The following KIFC3 variants were observed in gnomAD, a reference collection of about 807,000 sequenced individuals.
KIFC3 encodes the protein kinesin-like protein KIFC3.
A neutral mutation model predicts 101.8 loss-of-function variants in KIFC3; 60 were observed. The ratio of observed to expected loss-of-function variants is 0.59; its 90% CI spans 0.48 to 0.73. The LOEUF is 0.73. Ranked by LOEUF, KIFC3 falls within the 30% of genes least tolerant of loss-of-function variation. The pLI is 0.00. For missense variants in KIFC3, 966 were observed against 1,137.1 expected, an observed-to-expected ratio of 0.85 and a Z score of 2.16; for synonymous variants, 476 against 482.7, an observed-to-expected ratio of 0.99 and a Z score of 0.18.
intron 1 of KIFC3, among the ~76,000 whole-genome samples, chr16:57,818,487 C>T (rs916188665): frequency 6.6e-6 from 1 of 152,208 alleles, no homozygotes; most frequent in African/African-American, 2.4e-5. Flanking sequence ...ACCTCAGCCT[C>T]TCCAATAGCG....
intron 7 of KIFC3, 98 bp downstream of exon 7, chr16:57,770,429 C>T (rs2051012288): frequency 2.4e-5 from 27 of 1,132,996 alleles, no homozygotes; most frequent in Non-Finnish European, 3.0e-5. Flanking sequence ...GACTGGACCC[C>T]GTGTCTGTGG....
In KIFC3 at chr16:57,758,427, C is replaced by A; in HGVS notation, c.*507G>T. On this transcript the variant is annotated 3_prime_UTR_variant, in exon 20 of 20. Transcript: ENST00000445690. Reference sequence around the variant, plus strand: ...AGGCCATGCGCCTCCGCACACCCCCCAGCTGCGGGAACCCTCCTTGAAGGA... The same window carrying A: ...AGGCCATGCGCCTCCGCACACCCCCAAGCTGCGGGAACCCTCCTTGAAGGA... 14 of 370,192 alleles carry A rather than the reference C, an allele frequency of 3.8e-5. No individual in the cohort carries two copies. The highest frequency in any genetic ancestry group is 2.7e-4 in the South Asian group (13 of 48,414). 22.9% of individuals were successfully genotyped at this position (370,192 alleles called of 1,614,324 possible).
intron 9 of KIFC3, among the ~76,000 whole-genome samples, chr16:57,768,028 G>T (rs2050683768): frequency 6.6e-6 from 1 of 151,910 alleles, no homozygotes; most frequent in Non-Finnish European, 1.5e-5. Flanking sequence ...CTAATACAAT[G>T]AAAATGCTGG....
intron 1 of KIFC3, among the ~76,000 whole-genome samples, chr16:57,820,555 G>A (rs1475652227): frequency 6.6e-6 from 1 of 152,186 alleles, no homozygotes; most frequent in African/African-American, 2.4e-5. Context: ...CTGGCATTAT[G>A]GGTGTGAACC....
intron 2 of KIFC3, among the ~76,000 whole-genome samples, chr16:57,796,412 G>T (rs1299615912): frequency 2.0e-5 from 3 of 152,208 alleles, no homozygotes; most frequent in Non-Finnish European, 4.4e-5. Context: ...GACAGGCAAA[G>T]AACCGGAAGC....
chr16:57,772,903 G>T lies in KIFC3; in HGVS notation c.316-615C>A, dbSNP rs2051460111. ...CCAAGGCTCTTATAGGGGGAAGGGG[G>T]TGTGCACCCCATGAGGAAGCCACGG... On this transcript the variant is annotated intron_variant, in intron 3 of 19. Transcript: ENST00000445690. Among the ~76,000 whole-genome samples, 2 of 152,182 alleles carry T rather than the reference G, an allele frequency of 1.3e-5. 1 individual carries two copies. The highest frequency in any genetic ancestry group is 1.3e-4 in the Admixed American group (2 of 15,284).
intron 1 of KIFC3, among the ~76,000 whole-genome samples, chr16:57,833,419 G>T (rs2055623082): frequency 6.6e-6 from 1 of 152,096 alleles, no homozygotes; most frequent in South Asian, 2.1e-4. Context: ...TTCAGATGTG[G>T]ATCTCAGCAC....
Position 57,815,552 on chromosome 16 carries a change from C to A in KIFC3, c.109-17270G>T, listed in dbSNP as rs148369725. The A allele has an allele frequency of 7.0e-4, 896 of 1,289,072 alleles. 10 individuals carry two copies. The African/African-American group carries it at 0.011, about 15-fold the overall frequency. The allele number at this position is 1,289,072 out of a possible 1,614,324, so 79.9% of individuals were successfully genotyped here. A position where few individuals can be genotyped will look rare whatever the true frequency, so the allele number is the denominator to read the frequency against. On this transcript the variant is annotated intron_variant, in intron 1 of 2. Transcript: ENST00000563028. ...TCTTCTACCAGGATGCCCTCCAAGA[C>A]CAACACTGATGCCTTAGTCACCCTC...
At chr16:57,840,603 A>C (rs1392934079) in intron 1 of KIFC3, among the ~76,000 whole-genome samples, 1 of 151,910 alleles carries the variant, frequency 6.6e-6, no homozygotes, top group Non-Finnish European at 1.5e-5. Context: ...TCTACTAAAA[A>C]TACAAAATTA....
At chr16:57,815,741 G>C in intron 1 of KIFC3, 1 of 1,077,278 alleles carries the variant, frequency 9.3e-7, no homozygotes, top group Non-Finnish European at 1.2e-6. Context: ...CCCAGCCATG[G>C]CTTGTCCCAC....
chr16:57,803,031 G>A (rs2054839826), upstream of KIFC3: 1 of 1,535,858 alleles, frequency 6.5e-7, no homozygotes, highest in South Asian at 1.2e-5. Flanking sequence ...ACTGTTTACA[G>A]CGCACACGCT....
chr16:57,771,180 A>T lies in KIFC3; in HGVS notation c.765+18T>A, dbSNP rs1555607810. On this transcript the variant is annotated intron_variant, in intron 6 of 19. Coordinates refer to ENST00000445690, the MANE Select transcript of KIFC3 (RefSeq NM_001130100.2). ...GGGGCCTTGGGCTGAGGCACAGATC[A>T]GGTGGGCCAGGGCTCACCTTGACAG... 3.7e-6 allele frequency: 6 copies of T among 1,610,332 alleles called. No homozygotes were observed. Among genetic ancestry groups the T allele is most frequent in the Non-Finnish European group, 5.1e-6 (6 of 1,178,692 alleles).
At chr16:57,788,890 A>G (rs1555619069) in intron 3 of KIFC3, among the ~76,000 whole-genome samples, 1 of 152,184 alleles carries the variant, frequency 6.6e-6, no homozygotes, top group Non-Finnish European at 1.5e-5. Context: ...AGGATGTGCC[A>G]GGTCCCACAG....
At chr16:57,806,548 C>G (rs2054942236), upstream of KIFC3, among the ~76,000 whole-genome samples, 1 of 152,204 alleles carries the variant, frequency 6.6e-6, no homozygotes, top group Non-Finnish European at 1.5e-5. Flanking sequence ...CTGACCCCAG[C>G]TCAGGGCCTG....
At chr16:57,840,945 G>A (rs761529983) in intron 1 of KIFC3, among the ~76,000 whole-genome samples, 10 of 151,974 alleles carry the variant, frequency 6.6e-5, no homozygotes, top group Non-Finnish European at 1.2e-4. Flanking sequence ...TCCACACTCC[G>A]GCTTTCTGGC....
At chr16:57,806,710 A>G (rs782409814), upstream of KIFC3, among the ~76,000 whole-genome samples, 2 of 152,232 alleles carry the variant, frequency 1.3e-5, no homozygotes, top group African/African-American at 2.4e-5. Context: ...CTCCTTAGCA[A>G]TTATTTCCAT....
chr16:57,770,742 C>T, intron 6 of KIFC3, 42 bp from the exon 7 acceptor site: 1 of 1,379,776 alleles, frequency 7.2e-7, no homozygotes, highest in Non-Finnish European at 9.4e-7. Flanking sequence ...CCAGCGGGCA[C>T]CGTACCTCAC....
chr16:57,795,339 G>A (rs2054202744), intron 2 of KIFC3, among the ~76,000 whole-genome samples, 198 bp from the exon 3 acceptor site: 2 of 152,168 alleles, frequency 1.3e-5, no homozygotes, highest in African/African-American at 4.8e-5. Context: ...CAGTGGCTAC[G>A]CTCCTTCCTT....
At chr16:57,822,555 G>A (rs1462816071) in intron 1 of KIFC3, among the ~76,000 whole-genome samples, 12 of 152,046 alleles carry the variant, frequency 7.9e-5, no homozygotes, top group Admixed American at 7.9e-4. Context: ...AAAGTAGCTG[G>A]GTGTGGCAGC....
Sources: allele counts gnomAD v4.1 joint callset (sites outside exome capture counted in the v4.1 genomes callset), GRCh38; gene constraint gnomAD v4.1.1; transcripts MANE v1.5; gene names NCBI Gene and HGNC (gene_info 2026-07-23, HGNC 2026-07-21).